MFHAS1: variants seen among roughly 807,000 people sequenced by gnomAD.
MFHAS1 encodes malignant fibrous histiocytoma-amplified sequence 1.
In MFHAS1, 50 loss-of-function variants were observed where a neutral mutation model predicts 70.4. That is an observed-to-expected ratio of 0.71 (90% CI 0.57 to 0.90). The LOEUF (loss-of-function observed/expected upper bound fraction) is 0.90. Among genes scored for constraint, MFHAS1 ranks in the 40% least tolerant of loss-of-function variants. The pLI, the probability that MFHAS1 is intolerant of heterozygous loss-of-function variation, is 0.00. For missense variants in MFHAS1, 1,795 were observed against 1,347.6 expected (o/e 1.33, Z -5.20); for synonymous variants, 952 against 620.0 (o/e 1.54, Z -7.96).
intron 2 of MFHAS1, among the ~76,000 whole-genome samples, chr8:8,791,771 A>G (rs980837219): frequency 2.0e-5 from 3 of 152,146 alleles, no homozygotes; most frequent in Non-Finnish European, 4.4e-5. Flanking sequence ...TACCCCTGAA[A>G]TATCTAGGGC....
At chr8:8,852,431 G>A (rs995564948) in intron 1 of MFHAS1, among the ~76,000 whole-genome samples, 2 of 151,810 alleles carry the variant, frequency 1.3e-5, no homozygotes, top group African/African-American at 2.4e-5. Context: ...CTGAGATCAC[G>A]CCACTCCAGC....
chr8:8,795,198 G>A (rs572096516), intron 2 of MFHAS1, among the ~76,000 whole-genome samples: 81 of 151,728 alleles, frequency 5.3e-4, no homozygotes, highest in African/African-American at 1.7e-3. Flanking sequence ...AAGAACTTGC[G>A]GGGTATTAAA....
chr8:8,887,845 G>T (rs1364767270), intron 1 of MFHAS1, among the ~76,000 whole-genome samples: 1 of 121,484 alleles, frequency 8.2e-6, no homozygotes, highest in Admixed American at 9.0e-5. Flanking sequence ...AAGAGCTGAC[G>T]TTAGCAAAAA....
In MFHAS1 at chr8:8,784,943, C is replaced by T. The variant is rs1805483435; in HGVS notation, c.*1079G>A. On this transcript the variant is annotated 3_prime_UTR_variant, in exon 3 of 3. Transcript: ENST00000276282. Reference sequence around the variant, plus strand: ...AGAGGCTCTGTATTTATAAATAACCCGTGTGGGATTATGCTCTCCAGTGAA... The same window carrying T: ...AGAGGCTCTGTATTTATAAATAACCTGTGTGGGATTATGCTCTCCAGTGAA... 2 of 152,112 alleles carry T rather than the reference C, an allele frequency of 1.3e-5. No homozygotes were observed. The highest frequency in any genetic ancestry group is 2.1e-4 in the South Asian group (1 of 4,818). The allele number at this position is 152,112 out of a possible 1,614,324, so 9.4% of individuals were successfully genotyped here. A position where few individuals can be genotyped will look rare whatever the true frequency, so the allele number is the denominator to read the frequency against.
At chr8:8,835,149 G>T (rs1039736832) in intron 1 of MFHAS1, among the ~76,000 whole-genome samples, 1 of 151,340 alleles carries the variant, frequency 6.6e-6, no homozygotes, top group Non-Finnish European at 1.5e-5. Context: ...GTTCGAGGGT[G>T]AGCATTAGGG....
chr8:8,877,289 G>C (rs867974294), intron 1 of MFHAS1, among the ~76,000 whole-genome samples: 1 of 89,096 alleles, frequency 1.1e-5, no homozygotes, highest in Non-Finnish European at 2.2e-5. Flanking sequence ...GTGACAGAGT[G>C]AGACCCTGCC....
At chr8:8,847,067 C>T (rs1808063019) in intron 1 of MFHAS1, among the ~76,000 whole-genome samples, 1 of 152,180 alleles carries the variant, frequency 6.6e-6, no homozygotes, top group Admixed American at 6.5e-5. Context: ...AAACAATTGT[C>T]TTAGATTTTT....
At chr8:8,788,112 T>C (rs1293734164) in intron 2 of MFHAS1, among the ~76,000 whole-genome samples, 2 of 152,244 alleles carry the variant, frequency 1.3e-5, no homozygotes, top group African/African-American at 4.8e-5. Flanking sequence ...ACACCTATCA[T>C]GGCAGGTACC....
At chr8:8,862,629 G>A (rs545749868) in intron 1 of MFHAS1, among the ~76,000 whole-genome samples, 107 of 152,244 alleles carry the variant, frequency 7.0e-4, no homozygotes, top group East Asian at 3.9e-3. Context: ...AAACTCTTCC[G>A]TATGATACTA....
At chr8:8,874,253 T>G (rs1185355967) in intron 1 of MFHAS1, among the ~76,000 whole-genome samples, 1 of 152,040 alleles carries the variant, frequency 6.6e-6, no homozygotes, top group Non-Finnish European at 1.5e-5. Context: ...ATCAAAGGTC[T>G]GCCGGTATAG....
chr8:8,814,882 T>C (rs546890113), intron 1 of MFHAS1, among the ~76,000 whole-genome samples: 2 of 148,782 alleles, frequency 1.3e-5, no homozygotes, highest in Admixed American at 1.4e-4. Flanking sequence ...TTTTAGGTTC[T>C]GGGGTACATG....
intron 1 of MFHAS1, among the ~76,000 whole-genome samples, chr8:8,820,769 G>C (rs546390821): frequency 2.0e-5 from 3 of 152,302 alleles, no homozygotes; most frequent in African/African-American, 7.2e-5. Flanking sequence ...ATCTCTAGCC[G>C]TCTGGCCAGG....
At chr8:8,867,216 G>A (rs917890169) in intron 1 of MFHAS1, among the ~76,000 whole-genome samples, 2 of 152,170 alleles carry the variant, frequency 1.3e-5, no homozygotes, top group Non-Finnish European at 2.9e-5. Flanking sequence ...GGGGTTTTAT[G>A]AAAGTCACAA....
intron 1 of MFHAS1, among the ~76,000 whole-genome samples, chr8:8,834,142 AAAACAAACAAAC>A (rs760272626): frequency 1.3e-4 from 19 of 150,682 alleles, no homozygotes; most frequent in African/African-American, 4.6e-4. Flanking sequence ...CAAAAAAAAC[AAAACAAACAAAC>A]AAACAAACAA....
Position 8,891,109 on chromosome 8 carries a change from C to G in MFHAS1, c.1950G>C (p.Glu650Asp), listed in dbSNP as rs771362930. ...DKLLSVAEHR[E>D]IFPNLHRVLP... The stretch of plus-strand genomic sequence containing the variant: ...GTACTCTGTGTAAGTTGGGGAAGAT[C>G]TCTCGGTGCTCAGCAACTGACAGCA... Residue 650 changes from glutamate to aspartate, a missense_variant, in exon 1 of 3, where the codon GAG becomes GAC. Physicochemically the swap from Glu to Asp is conservative, Grantham distance 45 (BLOSUM62 2). Coordinates refer to ENST00000276282, the MANE Select transcript of MFHAS1 (RefSeq NM_004225.3). This position sits in a 1 kb window ranked among gnomAD's most constrained non-coding sequence, Gnocchi z 5.4. 2 of 1,613,896 alleles carry G rather than the reference C, an allele frequency of 1.2e-6. No individual in the cohort carries two copies. The highest frequency in any genetic ancestry group is 1.7e-6 in the Non-Finnish European group (2 of 1,180,006).
chr8:8,831,957 A>T (rs144660660), intron 1 of MFHAS1, among the ~76,000 whole-genome samples: 1 of 152,198 alleles, frequency 6.6e-6, no homozygotes, highest in Non-Finnish European at 1.5e-5. Flanking sequence ...AAGGAGAAAG[A>T]ATAGCTTTTT....
intron 1 of MFHAS1, among the ~76,000 whole-genome samples, chr8:8,813,375 G>GC (rs1305863226): frequency 6.6e-6 from 1 of 152,162 alleles, no homozygotes; most frequent in Admixed American, 6.5e-5. Flanking sequence ...CTGTAAAACA[G>GC]CCTCAGGCAG....
In MFHAS1 at chr8:8,891,953, A is replaced by C. The variant is rs1810066696; in HGVS notation, c.1106T>G (p.Leu369Trp). The change falls in exon 1 of 3, where the codon TTG becomes TGG. Residue 369 changes from leucine to tryptophan, a missense_variant. Transcript: ENST00000276282. This position sits in a 1 kb window ranked among gnomAD's most constrained non-coding sequence, Gnocchi z 5.4. ...CAGTGGGTTGTCTTTGATCTTCCAC[A>C]AACCCACCCGGGAGAGCTGGCCAAA... is the stretch of plus-strand genomic sequence containing the variant. ...DHFGQLSRVG[L>W]WKIKDNPLIQ... is the part of the protein sequence containing the mutation. 7 of 1,612,072 alleles carry C rather than the reference A, an allele frequency of 4.3e-6. No individual in the cohort carries two copies. In the Admixed American group the frequency reaches 1.0e-4, roughly 23 times the overall value.
chr8:8,838,101 T>C (rs561057284), intron 1 of MFHAS1, among the ~76,000 whole-genome samples: 1 of 152,366 alleles, frequency 6.6e-6, no homozygotes, highest in African/African-American at 2.4e-5. Context: ...AGTACTGACC[T>C]GTGCAACACC....
Sources: allele counts gnomAD v4.1 joint callset (sites outside exome capture counted in the v4.1 genomes callset), GRCh38; gene constraint gnomAD v4.1.1; non-coding constraint Gnocchi (gnomAD v3.1); transcripts MANE v1.5; gene names NCBI Gene and HGNC (gene_info 2026-07-23, HGNC 2026-07-21).